The following RUFY4 variants were observed in gnomAD, a reference collection of about 807,000 sequenced individuals.
The protein encoded by RUFY4 is RUN and FYVE domain containing 4, also known as RUN and FYVE domain-containing protein 4.
RUFY4 carries 73 observed loss-of-function variants against 69.0 expected under a neutral mutation model. That is an observed-to-expected ratio of 1.06 (90% CI 0.88 to 1.29). The LOEUF is 1.29. RUFY4 is among the 50% of genes most tolerant of loss of function. The pLI is 0.00. For missense variants in RUFY4, 770 were observed against 705.6 expected (o/e 1.09, Z -1.03); for synonymous variants, 287 against 271.8 (o/e 1.06, Z -0.55).
At chr2:218,058,333 GT>G (rs1689109950) in intron 2 of RUFY4, among the ~76,000 whole-genome samples, 1 of 152,136 alleles carries the variant, frequency 6.6e-6, no homozygotes, top group African/African-American at 2.4e-5. Context: ...AAAAACTTAC[GT>G]TTATAGCCTA....
At chr2:218,048,327 G>A (rs1688875331) in intron 2 of RUFY4, among the ~76,000 whole-genome samples, 1 of 152,084 alleles carries the variant, frequency 6.6e-6, no homozygotes, top group Admixed American at 6.5e-5. Context: ...TATAGATGCT[G>A]GATATTAGAC....
At chr2:218,075,155 C>T in exon 7 of RUFY4, 1 of 1,555,156 alleles carries the variant, frequency 6.4e-7, no homozygotes, top group Non-Finnish European at 8.7e-7. Context: ...CCAGTCAAGC[C>T]ATCTGTCTGC....
At chr2:218,082,046 TGA>T (rs1689771194) in intron 8 of RUFY4, among the ~76,000 whole-genome samples, 1 of 152,206 alleles carries the variant, frequency 6.6e-6, no homozygotes, top group African/African-American at 2.4e-5. Context: ...CCCTCCCAGC[TGA>T]GCCAGGGGCC....
rs768002525 is a variant in RUFY4, at chr2:218,076,529, A to C, written c.1351A>C (p.Ser451Arg). The change falls in exon 8 of 11, where the codon AGC (serine) becomes CGC (arginine). Residue 451 changes from serine (S) to arginine (R), a missense_variant. Transcript: ENST00000344321. ...GCTGCAGGCACTTCGGGAGCAGCTCAGCAGGTAACCTTGGCAACCCACAGC... is the reference window on the plus strand; with the variant it reads ...GCTGCAGGCACTTCGGGAGCAGCTCCGCAGGTAACCTTGGCAACCCACAGC... The C allele has an allele frequency of 5.3e-5, 82 of 1,550,178 alleles. No homozygotes were observed. The highest frequency in any genetic ancestry group is 7.2e-5 in the Non-Finnish European group (82 of 1,146,298).
intron 7 of RUFY4, among the ~76,000 whole-genome samples, chr2:218,076,051 C>G (rs886638892): frequency 7.9e-5 from 12 of 152,172 alleles, no homozygotes; most frequent in Non-Finnish European, 1.6e-4. Context: ...CTCTCCAGTT[C>G]CATATCCTCA....
At chr2:218,085,670 T>A (rs529652165) in intron 9 of RUFY4, among the ~76,000 whole-genome samples, 1 of 152,336 alleles carries the variant, frequency 6.6e-6, no homozygotes, top group African/African-American at 2.4e-5. Context: ...AATCCATACC[T>A]GCTGCCTTCT....
At chr2:218,058,247 T>A (rs1411108447) in intron 2 of RUFY4, among the ~76,000 whole-genome samples, 1 of 152,238 alleles carries the variant, frequency 6.6e-6, no homozygotes, top group Non-Finnish European at 1.5e-5. Flanking sequence ...TTCTGATCAC[T>A]TTCTCCTTAG....
intron 8 of RUFY4, among the ~76,000 whole-genome samples, chr2:218,080,372 G>A (rs1189508243): frequency 1.3e-5 from 2 of 152,346 alleles, no homozygotes; most frequent in African/African-American, 2.4e-5. Flanking sequence ...ACCTGAAGGC[G>A]GCAGGCTTCA....
At chr2:218,089,005 A>G (rs1689963160) in intron 9 of RUFY4, among the ~76,000 whole-genome samples, 2 of 143,876 alleles carry the variant, frequency 1.4e-5, no homozygotes, top group Admixed American at 1.4e-4. Flanking sequence ...TTCTCTGTCC[A>G]TCTTTGTATC....
upstream of RUFY4, among the ~76,000 whole-genome samples, chr2:218,070,141 A>G (rs896173790): frequency 2.6e-5 from 4 of 152,176 alleles, no homozygotes; most frequent in Admixed American, 2.6e-4. Flanking sequence ...CCTAGTGTCC[A>G]CATATCATGA....
upstream of RUFY4, chr2:218,069,311 G>C (rs1160177219): frequency 6.6e-6 from 1 of 152,378 alleles, no homozygotes; most frequent in Non-Finnish European, 1.5e-5. Context: ...TGGCAGCAGA[G>C]CTGCGCTCTC....
At chr2:218,043,096 C>T (rs1330968251) in intron 2 of RUFY4, among the ~76,000 whole-genome samples, 2 of 148,644 alleles carry the variant, frequency 1.3e-5, no homozygotes, top group Non-Finnish European at 2.9e-5. Flanking sequence ...CATGTTAGAA[C>T]AGCTCGGAGG....
chr2:218,044,277 G>A (rs1688775109), intron 2 of RUFY4, among the ~76,000 whole-genome samples: 1 of 152,210 alleles, frequency 6.6e-6, no homozygotes, highest in Non-Finnish European at 1.5e-5. Flanking sequence ...AGCCACTGCT[G>A]CCATCAGTTT....
chr2:218,086,928 G>A (rs1388439182), intron 9 of RUFY4, among the ~76,000 whole-genome samples: 2 of 151,916 alleles, frequency 1.3e-5, no homozygotes, highest in African/African-American at 2.4e-5. Context: ...ATATGTTAAA[G>A]GCAAGTAATG....
At chr2:218,037,684 G>A (rs1215795681) in intron 2 of RUFY4, among the ~76,000 whole-genome samples, 6 of 152,124 alleles carry the variant, frequency 3.9e-5, no homozygotes, top group Non-Finnish European at 8.8e-5. Context: ...TTCCTTCTCT[G>A]GACATTTTCA....
chr2:218,063,196 T>C (rs1689241559), intron 3 of RUFY4, among the ~76,000 whole-genome samples: 2 of 152,228 alleles, frequency 1.3e-5, no homozygotes, highest in African/African-American at 4.8e-5. Flanking sequence ...ACAAAATAGA[T>C]CACCCTCTGG....
At chr2:218,038,289 C>T (rs779728463) in intron 2 of RUFY4, among the ~76,000 whole-genome samples, 6 of 150,100 alleles carry the variant, frequency 4.0e-5, no homozygotes, top group Non-Finnish European at 7.4e-5. Flanking sequence ...TATTTGTGGA[C>T]AATATGTCTT....
intron 2 of RUFY4, among the ~76,000 whole-genome samples, chr2:218,039,160 C>T (rs1303261254): frequency 6.6e-6 from 1 of 152,112 alleles, no homozygotes; most frequent in Non-Finnish European, 1.5e-5. Context: ...GAAAAGAGAA[C>T]CCAGCAGGAG....
intron 3 of RUFY4, among the ~76,000 whole-genome samples, chr2:218,062,598 C>T (rs1689225703): frequency 6.6e-6 from 1 of 152,026 alleles, no homozygotes; most frequent in Non-Finnish European, 1.5e-5. Context: ...GTAGTCCTAG[C>T]TACCTGGGAG....
Sources: gnomAD v4.1 joint callset for allele counts (sites outside exome capture counted in the v4.1 genomes callset) on GRCh38, gnomAD v4.1.1 for gene constraint, MANE v1.5 for transcripts, NCBI Gene and HGNC (gene_info 2026-07-23, HGNC 2026-07-21) for gene names.